PARD3: variants seen among roughly 807,000 people sequenced by gnomAD.
PARD3 encodes the protein par-3 family cell polarity regulator.
A neutral mutation model predicts 155.4 loss-of-function variants in PARD3; 75 were observed. The observed-to-expected ratio is 0.48, with a 90% confidence interval of 0.40 to 0.58. The LOEUF (loss-of-function observed/expected upper bound fraction) is 0.58. Ranked by LOEUF, PARD3 falls within the 20% of genes least tolerant of loss-of-function variation. The pLI is 0.00. For missense variants in PARD3, 1,642 were observed against 1,721.7 expected, an observed-to-expected ratio of 0.95 and a Z score of 0.82; for synonymous variants, 576 against 610.5, an observed-to-expected ratio of 0.94 and a Z score of 0.83.
chr10:34,482,806 G>T (rs2079170205), intron 3 of PARD3, among the ~76,000 whole-genome samples: 1 of 151,990 alleles, frequency 6.6e-6, no homozygotes, highest in Non-Finnish European at 1.5e-5. Context: ...TTAGAGGGAG[G>T]ATAGAGGGGC....
rs1350056409 is a variant in PARD3, at chr10:34,450,460, G to A, written c.583-12C>T. On this transcript the variant is annotated splice_polypyrimidine_tract_variant and intron_variant, in intron 4 of 24. Transcript: ENST00000374788. Reference sequence around the variant, plus strand: ...TAGTTTTCATCTTTCTATTCAAAAAGAAACAAAAAGGTGTCTTGTAAAAAA... The same window carrying A: ...TAGTTTTCATCTTTCTATTCAAAAAAAAACAAAAAGGTGTCTTGTAAAAAA... The A allele has an allele frequency of 3.8e-6, 6 of 1,596,476 alleles. No homozygotes were observed. The highest frequency in any genetic ancestry group is 3.6e-5 in the Admixed American group (2 of 55,280).
intron 7 of PARD3, among the ~76,000 whole-genome samples, chr10:34,388,719 T>G (rs4405256): frequency 0.24 from 36,309 of 152,082 alleles, 5,090 homozygotes; most frequent in South Asian, 0.46. Flanking sequence ...TGTTCCTTCT[T>G]GGCAGCTAAT....
intron 19 of PARD3, among the ~76,000 whole-genome samples, chr10:34,322,256 G>A (rs1202249690): frequency 6.6e-6 from 1 of 152,120 alleles, no homozygotes; most frequent in African/African-American, 2.4e-5. Context: ...AGGCCTCTGA[G>A]CCCTAAAATT....
chr10:34,239,761 C>A (rs1301176675), intron 22 of PARD3, among the ~76,000 whole-genome samples: 1 of 150,320 alleles, frequency 6.7e-6, no homozygotes. Flanking sequence ...CAATAACGCG[C>A]CATTGCATTC....
At chr10:34,182,277 G>A (rs1452275101) in intron 22 of PARD3, among the ~76,000 whole-genome samples, 3 of 152,134 alleles carry the variant, frequency 2.0e-5, no homozygotes, top group African/African-American at 4.8e-5. Flanking sequence ...CTGTCCTAGA[G>A]TTCAAAATAC....
intron 1 of PARD3, among the ~76,000 whole-genome samples, chr10:34,701,333 A>ATGATGATGTTGTTGTTGT (rs1554815382): frequency 3.3e-5 from 5 of 149,862 alleles, no homozygotes; most frequent in Admixed American, 1.3e-4. Context: ...ACACGCGGGG[A>ATGATGATGTTGTTGTTGT]TGTTGTTGTT....
intron 15 of PARD3, chr10:34,343,354 A>C (rs972244420): frequency 8.1e-6 from 8 of 982,408 alleles, no homozygotes; most frequent in Middle Eastern, 5.2e-4. Flanking sequence ...AGATGGCCTA[A>C]CAAAGCAATA....
intron 2 of PARD3, among the ~76,000 whole-genome samples, chr10:34,662,864 T>C (rs1051180454): frequency 8.1e-6 from 1 of 122,840 alleles, no homozygotes; most frequent in Non-Finnish European, 1.6e-5. Flanking sequence ...AGTGAGAAAC[T>C]GTCTCAGAAA....
At position 34,356,531 on chromosome 10, in the gene PARD3, C is replaced by A. The variant is rs956719872; in HGVS notation, c.2067+2616G>T. 2.0e-5 allele frequency among the ~76,000 whole-genome samples: 3 copies of A among 152,108 alleles called. No individual in the cohort carries two copies. In the East Asian group the frequency reaches 5.8e-4, roughly 29 times the overall value. ...AACCTTGGATTTAAAGATGAGATAG[C>A]AAAATACAGTTTTCTGATTGGCAAA... On this transcript the variant is annotated intron_variant, in intron 14 of 24. Transcript: ENST00000374788.
At chr10:34,522,004 C>G (rs935214366) in intron 2 of PARD3, among the ~76,000 whole-genome samples, 3 of 152,112 alleles carry the variant, frequency 2.0e-5, no homozygotes, top group Non-Finnish European at 2.9e-5. Flanking sequence ...TGTGGGTAGA[C>G]AGAATAATGG....
At chr10:34,271,887 T>C (rs1483943228) in intron 21 of PARD3, among the ~76,000 whole-genome samples, 1 of 152,202 alleles carries the variant, frequency 6.6e-6, no homozygotes, top group African/African-American at 2.4e-5. Flanking sequence ...GTATTCTCCA[T>C]ATGCTGGCAA....
chr10:34,641,946 A>G lies in PARD3; in HGVS notation c.222+54372T>C, dbSNP rs1175065988. Among the ~76,000 whole-genome samples, 3 of 152,126 alleles carry G rather than the reference A, an allele frequency of 2.0e-5. No individual in the cohort carries two copies. The East Asian group carries it at 5.8e-4, about 29-fold the overall frequency. ...GCCTCCCCACCAGCTGTGCTTGACT[A>G]GAAACTCCCAGGCTGTAAACAAGAC... On this transcript the variant is annotated intron_variant, in intron 2 of 24. Coordinates refer to ENST00000374788, the MANE Select transcript of PARD3 (RefSeq NM_001184785.2).
chr10:34,640,262 C>T (rs1040659966), intron 2 of PARD3, among the ~76,000 whole-genome samples: 8 of 152,150 alleles, frequency 5.3e-5, no homozygotes, highest in Non-Finnish European at 8.8e-5. Context: ...CACCCTGAAA[C>T]GTTCTTTAAA....
At chr10:34,649,345 G>A (rs1219362883) in intron 2 of PARD3, among the ~76,000 whole-genome samples, 4 of 152,356 alleles carry the variant, frequency 2.6e-5, no homozygotes, top group East Asian at 1.9e-4. Flanking sequence ...TCAGGCTAGA[G>A]TGCACTTACA....
intron 22 of PARD3, among the ~76,000 whole-genome samples, chr10:34,205,561 C>A (rs1454054140): frequency 1.3e-5 from 2 of 152,072 alleles, no homozygotes; most frequent in Admixed American, 1.3e-4. Flanking sequence ...GATGCAATGG[C>A]AAGCAGAGGG....
At chr10:34,783,561 G>A (rs553592633) in intron 1 of PARD3, among the ~76,000 whole-genome samples, 4 of 129,558 alleles carry the variant, frequency 3.1e-5, no homozygotes, top group Non-Finnish European at 4.6e-5. Flanking sequence ...TTGAGATCAC[G>A]CCACTGTGCT....
intron 1 of PARD3, among the ~76,000 whole-genome samples, chr10:34,729,776 A>T (rs1337161183): frequency 1.3e-5 from 2 of 152,198 alleles, no homozygotes; most frequent in African/African-American, 4.8e-5. Flanking sequence ...AGTCTCCTGG[A>T]GGAGCCGGAA....
At chr10:34,790,376 T>C (rs1000786373) in intron 1 of PARD3, among the ~76,000 whole-genome samples, 5 of 152,176 alleles carry the variant, frequency 3.3e-5, no homozygotes, top group Admixed American at 6.5e-5. Context: ...GCTAAAATTA[T>C]TTCACTGGGA....
chr10:34,587,000 T>G (rs555660970), intron 2 of PARD3, among the ~76,000 whole-genome samples: 2 of 152,342 alleles, frequency 1.3e-5, no homozygotes, highest in South Asian at 4.1e-4. Flanking sequence ...AACTCATTTT[T>G]CTAGTCCAGT....
Sources: allele counts gnomAD v4.1 joint callset (sites outside exome capture counted in the v4.1 genomes callset), GRCh38; gene constraint gnomAD v4.1.1; transcripts MANE v1.5; gene names NCBI Gene and HGNC (gene_info 2026-07-23, HGNC 2026-07-21).